Variants in SNX21 observed in about 807,000 individuals in gnomAD.
SNX21 encodes sorting nexin-21.
SNX21 carries 36 observed loss-of-function variants against 30.9 expected under a neutral mutation model. The ratio of observed to expected loss-of-function variants is 1.16; its 90% CI spans 0.89 to 1.54. SNX21 has a LOEUF of 1.54. Ranked by LOEUF, SNX21 falls within the 40% of genes most tolerant of loss-of-function variation. The pLI is 0.00. For synonymous variants in SNX21, 218 were observed against 222.7 expected, an observed-to-expected ratio of 0.98 and a Z score of 0.19; for missense variants, 508 against 516.5, an observed-to-expected ratio of 0.98 and a Z score of 0.16.
In SNX21 at chr20:45,842,044, G is replaced by T; in HGVS notation, c.*731G>T. The T allele has an allele frequency of 6.4e-7, 1 of 1,552,026 alleles. No homozygotes were observed. ...TTTTCCTGAAACAGAGTCTCACTAAGTTGCCAGGCTGGTCTCAAGCGCCTG... is the reference window on the plus strand; with the variant it reads ...TTTTCCTGAAACAGAGTCTCACTAATTTGCCAGGCTGGTCTCAAGCGCCTG... On this transcript the variant is annotated 3_prime_UTR_variant, in exon 4 of 4. Transcript: ENST00000491381.
In SNX21 at chr20:45,841,401, G is replaced by C; in HGVS notation, c.*88G>C. Reference sequence around the variant, plus strand: ...CTGATGAGAACAGAATAGCTGGGAGGCTGCAGAGGGTGCTGGGAGCCCCTA... The same window carrying C: ...CTGATGAGAACAGAATAGCTGGGAGCCTGCAGAGGGTGCTGGGAGCCCCTA... On this transcript the variant is annotated 3_prime_UTR_variant, in exon 4 of 4. Transcript: ENST00000491381. 2.0e-6 allele frequency: 3 copies of C among 1,490,610 alleles called. No homozygotes were observed. Among genetic ancestry groups the C allele is most frequent in the Non-Finnish European group, 2.7e-6 (3 of 1,122,274 alleles). 92.3% of individuals were successfully genotyped at this position (1,490,610 alleles called of 1,614,324 possible).
At chr20:45,839,753 T>TTG (rs1983877320) in intron 3 of SNX21, among the ~76,000 whole-genome samples, 1 of 150,750 alleles carries the variant, frequency 6.6e-6, no homozygotes, top group Admixed American at 6.6e-5. Flanking sequence ...AAAAAAAATT[T>TTG]TTTTAAATAG....
intron 3 of SNX21, among the ~76,000 whole-genome samples, chr20:45,838,076 A>AT (rs936088982): frequency 2.9e-5 from 4 of 136,526 alleles, no homozygotes; most frequent in Middle Eastern, 5.3e-3. Flanking sequence ...AGCCGAACCT[A>AT]TTTTTTTTCT....
At chr20:45,840,310 C>G in intron 3 of SNX21, 2 of 1,572,240 alleles carry the variant, frequency 1.3e-6, no homozygotes, top group South Asian at 2.3e-5. Flanking sequence ...CAGCTTATGT[C>G]TGGTTTTCCA....
chr20:45,836,490 CAAAAAA>C (rs74176824), intron 3 of SNX21, among the ~76,000 whole-genome samples: 1,577 of 51,302 alleles, frequency 0.031, 38 homozygotes, highest in African/African-American at 0.1. Context: ...GACTCCGTCT[CAAAAAA>C]AAAAAAAAAA....
At chr20:45,837,413 T>C (rs552631565) in intron 3 of SNX21, among the ~76,000 whole-genome samples, 2 of 152,346 alleles carry the variant, frequency 1.3e-5, no homozygotes, top group East Asian at 3.9e-4. Context: ...CTAATAGTGA[T>C]ATACACTGTG....
chr20:45,834,836 T>A (rs1247970363), intron 2 of SNX21, 123 bp from the exon 3 acceptor site: 4 of 1,326,740 alleles, frequency 3.0e-6, no homozygotes, highest in Non-Finnish European at 4.1e-6. Flanking sequence ...TGTCCCTCAG[T>A]TTCCATTTCT....
intron 1 of SNX21, 82 bp from the exon 2 acceptor site, chr20:45,834,119 G>A (rs1460714102): frequency 1.4e-6 from 2 of 1,418,482 alleles, no homozygotes; most frequent in East Asian, 2.6e-5. Context: ...CTCCGGTTCG[G>A]GCCCCGCCCC....
chr20:45,843,252 TG>T lies in SNX21; in HGVS notation c.*1940del, dbSNP rs1423752728. ...CAGATGGAAGATATGATTTGCCTAT[TG>T]TAATACAAAGAATCTGAACTGGTTT... is the stretch of plus-strand genomic sequence containing the variant. On this transcript the variant is annotated 3_prime_UTR_variant, in exon 4 of 4. Coordinates refer to ENST00000491381, the MANE Select transcript of SNX21 (RefSeq NM_033421.4). The T allele has an allele frequency of 2.3e-5, 14 of 609,202 alleles. No individual in the cohort carries two copies. The highest frequency in any genetic ancestry group is 1.5e-4 in the African/African-American group (8 of 54,800). 37.7% of individuals were successfully genotyped at this position (609,202 alleles called of 1,614,324 possible).
rs777935847 is a variant in SNX21, at chr20:45,834,407, C to CGACGAG, written c.231_236dup (p.Asp77_Glu78dup). The CGACGAG allele has an allele frequency of 2.0e-4, 316 of 1,605,264 alleles. No individual in the cohort carries two copies. Among genetic ancestry groups the CGACGAG allele is most frequent in the Non-Finnish European group, 2.6e-4 (308 of 1,178,280 alleles). On this transcript the variant is annotated inframe_insertion, in exon 2 of 4. Transcript: ENST00000491381. Reference sequence around the variant, plus strand: ...ACGACGAGGACGACGAGGACGAGGACGACGAGGAGGCTGGCCCTGACCAGC... The same window carrying CGACGAG: ...ACGACGAGGACGACGAGGACGAGGACGACGAGGACGAGGAGGCTGGCCCTGACCAGC...
intron 3 of SNX21, among the ~76,000 whole-genome samples, chr20:45,836,511 AAAAAAAT>A (rs1983555722): frequency 6.6e-6 from 1 of 151,086 alleles, no homozygotes; most frequent in Non-Finnish European, 1.5e-5. Context: ...AAAAAAAAAA[AAAAAAAT>A]TTTGAGACAG....
At chr20:45,834,614 G>T (rs1347863078) in intron 2 of SNX21, 146 bp downstream of exon 2, 3 of 1,112,908 alleles carry the variant, frequency 2.7e-6, no homozygotes, top group Non-Finnish European at 3.7e-6. Flanking sequence ...TTGGCTGTGT[G>T]ACCTTGAGAG....
chr20:45,834,638 C>A, intron 2 of SNX21, 170 bp downstream of exon 2: 1 of 914,004 alleles, frequency 1.1e-6, no homozygotes, highest in Non-Finnish European at 1.6e-6. Flanking sequence ...CTTAACCCCC[C>A]TCTGAGCCAA....
rs12106124 is a variant in SNX21, at chr20:45,841,559, G to A, written c.*246G>A. 2.8e-3 allele frequency: 3,846 copies of A among 1,386,264 alleles called. 93 individuals are homozygous for A. In the African/African-American group the frequency reaches 0.05, roughly 18 times the overall value. The allele number at this position is 1,386,264 out of a possible 1,614,324, so 85.9% of individuals were successfully genotyped here. On this transcript the variant is annotated 3_prime_UTR_variant, in exon 4 of 4. Transcript: ENST00000491381. ...CAGCCTCTCCAGCCTATAAACAGCC[G>A]GGGGGCTGTGGCACAGGTTGGGGCA...
chr20:45,841,492 T>C lies in SNX21; in HGVS notation c.*179T>C, dbSNP rs1418631449. 4.2e-5 allele frequency: 58 copies of C among 1,388,842 alleles called. No homozygotes were observed. Among genetic ancestry groups the C allele is most frequent in the Non-Finnish European group, 5.2e-5 (56 of 1,078,674 alleles). The allele number at this position is 1,388,842 out of a possible 1,614,324, so 86.0% of individuals were successfully genotyped here. The stretch of plus-strand genomic sequence containing the variant: ...CTGTTGAGCTAGGCTCAGGGTGAGC[T>C]TTGGCTGGGGTTGCCCTTGTGTAGT... On this transcript the variant is annotated 3_prime_UTR_variant, in exon 4 of 4. Transcript: ENST00000491381.
At chr20:45,835,591 T>C (rs532129911) in intron 3 of SNX21, among the ~76,000 whole-genome samples, 4 of 152,370 alleles carry the variant, frequency 2.6e-5, no homozygotes, top group Admixed American at 2.0e-4. Flanking sequence ...TTCCTCATTA[T>C]AGCAATGGGG....
Position 45,840,741 on chromosome 20 carries a change from CG to C in SNX21, c.552del (p.Gln185AsnfsTer100). On this transcript the variant is annotated frameshift_variant, in exon 4 of 4. Coordinates refer to ENST00000491381, the MANE Select transcript of SNX21 (RefSeq NM_033421.4). LOFTEE classifies it high-confidence loss of function. ...TGAGCGGCTGCACCGAAACCTGCAG[CG>C]GCAATTCCGGGGCCCAATGGCTGCC... ...DFERLHRNLQ[R>X]QFRGPMAAIS... The C allele has an allele frequency of 2.5e-6, 4 of 1,614,166 alleles. No homozygotes were observed. The highest frequency in any genetic ancestry group is 3.4e-6 in the Non-Finnish European group (4 of 1,180,028).
In SNX21 at chr20:45,843,072, C is replaced by T. The variant is rs1601086948; in HGVS notation, c.*1759C>T. 8.6e-7 allele frequency: 1 copy of T among 1,158,328 alleles called. No homozygotes were observed. The highest frequency in any genetic ancestry group is 6.0e-5 in the East Asian group (1 of 16,656). 71.8% of individuals were successfully genotyped at this position (1,158,328 alleles called of 1,614,324 possible). On this transcript the variant is annotated 3_prime_UTR_variant, in exon 4 of 4. Coordinates refer to ENST00000491381, the MANE Select transcript of SNX21 (RefSeq NM_033421.4). ...TTAGAGAACTTAAAAATACAGTTTC[C>T]TGGACCTTATCCAAGACCTACTGAG...
chr20:45,841,728 G>A lies in SNX21; in HGVS notation c.*415G>A. On this transcript the variant is annotated 3_prime_UTR_variant, in exon 4 of 4. Transcript: ENST00000491381. The stretch of plus-strand genomic sequence containing the variant: ...GAATTAAAAGCCAGCCACTCCAGTG[G>A]TATCAGTCTCTTTATTGGATGTGAG... The A allele has an allele frequency of 7.0e-7, 1 of 1,437,190 alleles. No homozygotes were observed. Among genetic ancestry groups the A allele is most frequent in the East Asian group, 2.5e-5 (1 of 39,782 alleles). 89.0% of individuals were successfully genotyped at this position (1,437,190 alleles called of 1,614,324 possible).
Sources: gnomAD v4.1 joint callset for allele counts (sites outside exome capture counted in the v4.1 genomes callset) on GRCh38, gnomAD v4.1.1 for gene constraint, MANE v1.5 for transcripts, NCBI Gene and HGNC (gene_info 2026-07-23, HGNC 2026-07-21) for gene names.